PPAT: variants seen among roughly 807,000 people sequenced by gnomAD.
The protein encoded by PPAT is phosphoribosyl pyrophosphate amidotransferase, also known as amidophosphoribosyltransferase.
Under a neutral mutation model 60.2 loss-of-function variants are expected in PPAT, and 20 were observed. The observed-to-expected ratio is 0.33, with a 90% CI of 0.23 to 0.48. PPAT has a LOEUF of 0.48. Ranked by LOEUF, PPAT falls within the 20% of genes least tolerant of loss-of-function variation. The pLI is 0.99. For synonymous variants in PPAT, 194 were observed against 215.1 expected (o/e 0.90, Z 0.86); for missense variants, 349 against 629.6 (o/e 0.55, Z 4.77).
intron 1 of PPAT, among the ~76,000 whole-genome samples, chr4:56,417,470 C>T (rs2110053432): frequency 6.6e-6 from 1 of 152,118 alleles, no homozygotes; most frequent in Non-Finnish European, 1.5e-5. Context: ...ATTACTGAAC[C>T]ATTAATTGTA....
intron 6 of PPAT, among the ~76,000 whole-genome samples, chr4:56,401,796 G>A (rs966723743): frequency 6.6e-6 from 1 of 152,016 alleles, no homozygotes; most frequent in Non-Finnish European, 1.5e-5. Flanking sequence ...ATCTCTCATT[G>A]AGGAAGTTCT....
intron 1 of PPAT, 111 bp downstream of exon 1, chr4:56,435,239 C>A: frequency 1.3e-6 from 2 of 1,495,652 alleles, no homozygotes; most frequent in Non-Finnish European, 1.8e-6. Context: ...TGGCTTAGGT[C>A]GGAGAGGTCG....
At chr4:56,434,909 C>T (rs1290653163) in intron 1 of PPAT, among the ~76,000 whole-genome samples, 1 of 152,196 alleles carries the variant, frequency 6.6e-6, no homozygotes, top group African/African-American at 2.4e-5. Context: ...GTTGGAGGCC[C>T]CGCGCGAAAA....
chr4:56,420,362 T>C (rs978953746), intron 1 of PPAT: 2 of 152,226 alleles, frequency 1.3e-5, no homozygotes, highest in African/African-American at 4.8e-5. Context: ...TAGCATCATG[T>C]TGGTGCTCAA....
intron 7 of PPAT, 87 bp downstream of exon 7, chr4:56,401,243 G>T: frequency 8.0e-7 from 1 of 1,255,048 alleles, no homozygotes; most frequent in Non-Finnish European, 1.1e-6. Flanking sequence ...CAAAGAGCCA[G>T]GTAAGCCTTT....
intron 1 of PPAT, chr4:56,431,408 ACT>A (rs751538264): frequency 1.9e-5 from 19 of 978,278 alleles, no homozygotes; most frequent in Non-Finnish European, 2.2e-5. Context: ...AATGTTCTGT[ACT>A]CTGTTTGCAG....
intron 1 of PPAT, among the ~76,000 whole-genome samples, chr4:56,425,629 TC>T (rs1029710790): frequency 6.6e-6 from 1 of 152,216 alleles, no homozygotes; most frequent in Non-Finnish European, 1.5e-5. Context: ...CTTTGGAACT[TC>T]CAGAGACAGA....
At position 56,398,460 on chromosome 4, in the gene PPAT, T is replaced by C. The variant is rs142569353; in HGVS notation, c.1236+719A>G. The stretch of plus-strand genomic sequence containing the variant: ...AGTAGAGAAAGCAATCAATACTCCA[T>C]TGATTTTAAAAAGCATTCTATTGTG... On this transcript the variant is annotated intron_variant, in intron 9 of 10. Transcript: ENST00000264220. Among the ~76,000 whole-genome samples, 514 of 152,276 alleles carry C rather than the reference T, an allele frequency of 3.4e-3. 5 individuals carry two copies. The highest frequency in any genetic ancestry group is 0.012 in the African/African-American group (491 of 41,570).
chr4:56,418,992 C>T (rs554712656), intron 1 of PPAT, among the ~76,000 whole-genome samples: 1 of 152,314 alleles, frequency 6.6e-6, no homozygotes, highest in East Asian at 1.9e-4. Context: ...GTAATTTTCG[C>T]AAGGCGTAAG....
intron 1 of PPAT, among the ~76,000 whole-genome samples, chr4:56,434,914 C>T (rs748447353): frequency 5.3e-5 from 8 of 152,212 alleles, no homozygotes; most frequent in Non-Finnish European, 1.2e-4. Context: ...AGGCCCCGCG[C>T]GAAAACCTTT....
intron 1 of PPAT, chr4:56,419,550 T>A: frequency 7.2e-6 from 3 of 418,740 alleles, no homozygotes; most frequent in South Asian, 2.0e-4. Context: ...TAATGTTGCA[T>A]CCAATTATTT....
At chr4:56,406,045 A>G (rs1294831169) in intron 3 of PPAT, among the ~76,000 whole-genome samples, 1 of 152,150 alleles carries the variant, frequency 6.6e-6, no homozygotes, top group African/African-American at 2.4e-5. Flanking sequence ...TAGGATACCC[A>G]TTTGGTGTCC....
chr4:56,413,200 C>A (rs1716553449), intron 1 of PPAT, among the ~76,000 whole-genome samples: 1 of 152,134 alleles, frequency 6.6e-6, no homozygotes, highest in African/African-American at 2.4e-5. Flanking sequence ...CACTCTGTCA[C>A]CCAGGCTGGA....
At chr4:56,434,269 A>T (rs1717771515) in intron 1 of PPAT, among the ~76,000 whole-genome samples, 1 of 152,214 alleles carries the variant, frequency 6.6e-6, no homozygotes, top group South Asian at 2.1e-4. Flanking sequence ...ACAGCAAAAA[A>T]TACTTCTAAT....
intron 1 of PPAT, among the ~76,000 whole-genome samples, chr4:56,409,175 C>A (rs1716340038): frequency 1.3e-5 from 2 of 152,104 alleles, no homozygotes; most frequent in African/African-American, 4.8e-5. Flanking sequence ...GATTACCATG[C>A]CCATTTTACA....
At position 56,435,367 on chromosome 4, in the gene PPAT, G is replaced by C. The variant is rs754936603; in HGVS notation, c.111C>G (p.Leu37=). ...LDVPHVITLG[L]VGLQHRGQES... ...TTGCTCACCGGTGCTGCAGCCCCAC[G>C]AGTCCCAGAGTGATCACATGCGGTA... is the stretch of plus-strand genomic sequence containing the variant. Residue 37 remains leucine (L), a synonymous_variant, in exon 1 of 11, where the codon CTC becomes CTG. Transcript: ENST00000264220. 7 of 1,609,946 alleles carry C rather than the reference G, an allele frequency of 4.3e-6. No individual in the cohort carries two copies. The highest frequency in any genetic ancestry group is 5.9e-6 in the Non-Finnish European group (7 of 1,177,824).
intron 9 of PPAT, 115 bp downstream of exon 9, chr4:56,399,064 A>C: frequency 1.1e-6 from 1 of 888,126 alleles, no homozygotes; most frequent in Non-Finnish European, 1.7e-6. Flanking sequence ...AAACTGATAA[A>C]AAAAGTTAAT....
chr4:56,406,696 C>T lies in PPAT; in HGVS notation c.201G>A (p.Met67Ile), dbSNP rs1716249482. Reference sequence around the variant, plus strand: ...CAGTAAAGACGTGATTTACAAGACCCATTCCCTTGAGAAATCAAAAAGTGC... The same window carrying T: ...CAGTAAAGACGTGATTTACAAGACCTATTCCCTTGAGAAATCAAAAAGTGC... Reference protein sequence around the residue: ...SVPTFKSHKGMGLVNHVFTED... With the variant: ...SVPTFKSHKGIGLVNHVFTED... Residue 67 changes from methionine to isoleucine, a missense_variant, in exon 3 of 11, where the codon ATG (methionine) becomes ATA (isoleucine). Met to Ile is a conservative substitution (Grantham distance 10). This residue lies in a region of PPAT where 115 missense variants were observed against 174.5 expected (regional missense o/e 0.66). Coordinates refer to ENST00000264220, the MANE Select transcript of PPAT (RefSeq NM_002703.5). The T allele has an allele frequency of 6.2e-7, 1 of 1,605,938 alleles. No individual in the cohort carries two copies.
chr4:56,423,825 C>A (rs1486838561), intron 1 of PPAT, among the ~76,000 whole-genome samples: 2 of 151,958 alleles, frequency 1.3e-5, no homozygotes, highest in Non-Finnish European at 2.9e-5. Flanking sequence ...ATCTCAGCAG[C>A]TAAATACGTA....
Sources: gnomAD v4.1 joint callset for allele counts (sites outside exome capture counted in the v4.1 genomes callset) on GRCh38, gnomAD v4.1.1 for gene constraint, gnomAD v4.1.1 regional missense constraint, MANE v1.5 for transcripts, NCBI Gene and HGNC (gene_info 2026-07-23, HGNC 2026-07-21) for gene names.